The following BNC2 variants were observed in gnomAD, a reference collection of about 807,000 sequenced individuals.
BNC2 encodes the protein zinc finger protein basonuclin-2.
Under a neutral mutation model 76.3 loss-of-function variants are expected in BNC2, and 20 were observed. That is an observed-to-expected ratio of 0.26 (90% CI 0.18 to 0.38). BNC2 has a LOEUF of 0.38. Among genes scored for constraint, BNC2 ranks in the 10% least tolerant of loss-of-function variants. The pLI is 1.00. For synonymous variants in BNC2, 582 were observed against 514.8 expected (o/e 1.13, Z -1.77); for missense variants, 1,382 against 1,399.8 (o/e 0.99, Z 0.20).
intron 5 of BNC2, chr9:16,476,321 C>T (rs1218574334): frequency 6.6e-6 from 1 of 152,208 alleles, no homozygotes; most frequent in Non-Finnish European, 1.5e-5. Context: ...CGTATCTAAA[C>T]CTAGGCTCCC....
intron 4 of BNC2, among the ~76,000 whole-genome samples, chr9:16,560,417 A>G (rs533333490): frequency 6.6e-6 from 1 of 152,344 alleles, no homozygotes; most frequent in East Asian, 1.9e-4. Context: ...TAAACATTTT[A>G]TAAGAGGAAA....
intron 6 of BNC2, among the ~76,000 whole-genome samples, chr9:16,428,473 C>A (rs1283558719): frequency 6.6e-6 from 1 of 152,108 alleles, no homozygotes; most frequent in Non-Finnish European, 1.5e-5. Flanking sequence ...TCTATTCTGG[C>A]AATTAAGAAT....
At chr9:16,786,818 C>A (rs138613747) in intron 1 of BNC2, among the ~76,000 whole-genome samples, 1 of 152,078 alleles carries the variant, frequency 6.6e-6, no homozygotes, top group Non-Finnish European at 1.5e-5. Context: ...CATTGATCTG[C>A]GGCACAATAA....
At chr9:16,504,849 C>T (rs1281952165) in intron 5 of BNC2, among the ~76,000 whole-genome samples, 1 of 152,244 alleles carries the variant, frequency 6.6e-6, no homozygotes, top group Non-Finnish European at 1.5e-5. Flanking sequence ...CACAGCAAGA[C>T]CTCATCTCTT....
intron 1 of BNC2, among the ~76,000 whole-genome samples, chr9:16,830,243 T>G (rs915869632): frequency 6.6e-6 from 1 of 152,204 alleles, no homozygotes; most frequent in Non-Finnish European, 1.5e-5. Flanking sequence ...ACATACACAG[T>G]TATCAGCTTG....
At chr9:16,507,562 G>C (rs1363149944) in intron 5 of BNC2, among the ~76,000 whole-genome samples, 1 of 152,180 alleles carries the variant, frequency 6.6e-6, no homozygotes, top group Non-Finnish European at 1.5e-5. Context: ...CTGAGTAGCT[G>C]GGACTACAGG....
At chr9:16,832,780 CA>C (rs1469282414) in intron 1 of BNC2, among the ~76,000 whole-genome samples, 1 of 151,876 alleles carries the variant, frequency 6.6e-6, no homozygotes, top group African/African-American at 2.4e-5. Flanking sequence ...GGCCGGAGTG[CA>C]GTGGCGCGAT....
At chr9:16,791,633 A>G (rs919935544) in intron 1 of BNC2, among the ~76,000 whole-genome samples, 1 of 152,200 alleles carries the variant, frequency 6.6e-6, no homozygotes, top group African/African-American at 2.4e-5. Context: ...TTCACAGTCA[A>G]CTATAACAGA....
At chr9:16,560,872 T>C (rs1292986868) in intron 4 of BNC2, among the ~76,000 whole-genome samples, 2 of 152,246 alleles carry the variant, frequency 1.3e-5, no homozygotes, top group African/African-American at 4.8e-5. Flanking sequence ...GTGAAGGTAC[T>C]GGATGAACCT....
intron 3 of BNC2, among the ~76,000 whole-genome samples, chr9:16,641,528 T>C (rs770085685): frequency 6.6e-6 from 1 of 152,244 alleles, no homozygotes; most frequent in African/African-American, 2.4e-5. Flanking sequence ...CCTGATTGTT[T>C]AGTCTAATTT....
chr9:16,468,038 C>CTTTTTTTTTTTTTTTTT (rs1414982362), intron 5 of BNC2, among the ~76,000 whole-genome samples: 8 of 146,180 alleles, frequency 5.5e-5, no homozygotes, highest in African/African-American at 2.1e-4. Context: ...TTCTTTCTTT[C>CTTTTTTTTTTTTTTTTT]TCTTTTTTTT....
At chr9:16,831,514 G>A (rs1263986682) in intron 1 of BNC2, among the ~76,000 whole-genome samples, 2 of 152,320 alleles carry the variant, frequency 1.3e-5, no homozygotes, top group South Asian at 4.1e-4. Flanking sequence ...TGACTCTCAT[G>A]TCAAATTCAA....
rs1206353019 is a variant in BNC2 at position 16,463,453 on chromosome 9, C to T, written c.670-25929G>A. Among the ~76,000 whole-genome samples, 2 of 147,284 alleles carry T rather than the reference C, an allele frequency of 1.4e-5. 1 individual carries two copies. Among genetic ancestry groups the T allele is most frequent in the African/African-American group, 5.3e-5 (2 of 37,728 alleles). Reference sequence around the variant, plus strand: ...CTGGGACTACAGGCGCCCGCCACTACGCCCGGCTAATTTTTTGTATTTTTA... The same window carrying T: ...CTGGGACTACAGGCGCCCGCCACTATGCCCGGCTAATTTTTTGTATTTTTA... On this transcript the variant is annotated intron_variant, in intron 5 of 6. Transcript: ENST00000380672.
intron 3 of BNC2, among the ~76,000 whole-genome samples, chr9:16,701,615 G>A (rs1823515361): frequency 1.3e-5 from 2 of 152,266 alleles, no homozygotes; most frequent in South Asian, 4.1e-4. Context: ...GCTAAAAGAA[G>A]TTAGATGTTA....
chr9:16,461,160 T>A lies in BNC2; in HGVS notation c.670-23636A>T, dbSNP rs142535107. On this transcript the variant is annotated intron_variant, in intron 5 of 6. Coordinates refer to ENST00000380672, the MANE Select transcript of BNC2 (RefSeq NM_017637.6). Reference sequence around the variant, plus strand: ...AGATTCTTTATCATAAATAACAGAATAAATTTTCGGAACATTTTACATGTG... The same window carrying A: ...AGATTCTTTATCATAAATAACAGAAAAAATTTTCGGAACATTTTACATGTG... Among the ~76,000 whole-genome samples, 14 of 152,318 alleles carry A rather than the reference T, an allele frequency of 9.2e-5. No individual in the cohort carries two copies. In the East Asian group the frequency reaches 2.7e-3, roughly 29 times the overall value.
At chr9:16,687,769 C>A (rs978735544) in intron 3 of BNC2, among the ~76,000 whole-genome samples, 14 of 152,134 alleles carry the variant, frequency 9.2e-5, no homozygotes, top group African/African-American at 3.4e-4. Context: ...GTTTCTAGTT[C>A]TTTTTATCTT....
At chr9:16,809,410 A>T (rs1214122248) in intron 1 of BNC2, among the ~76,000 whole-genome samples, 2 of 152,114 alleles carry the variant, frequency 1.3e-5, no homozygotes. Context: ...CTTCAGTGTT[A>T]GGATAAGAGC....
At position 16,419,267 on chromosome 9, in the gene BNC2, C is replaced by T. The variant is rs200106312; in HGVS notation, c.3022G>A (p.Ala1008Thr). The change falls in exon 7 of 7, where the codon GCC becomes ACC. Residue 1008 changes from alanine to threonine, a missense_variant. Physicochemically the swap from Ala to Thr is moderately conservative, Grantham distance 58. Coordinates refer to ENST00000380672, the MANE Select transcript of BNC2 (RefSeq NM_017637.6). ...DSGESAHKAEAPALPGSLGAE... is the reference protein window; with the variant it reads ...DSGESAHKAETPALPGSLGAE... ...CCTAGGCTGCCAGGGAGGGCAGGGG[C>T]CTCGGCCTTGTGTGCCGACTCCCCA... 14 of 1,614,208 alleles carry T rather than the reference C, an allele frequency of 8.7e-6. No homozygotes were observed. In the East Asian group the frequency reaches 2.7e-4, roughly 31 times the overall value.
At chr9:16,587,199 C>CTTT (rs5896697) in intron 3 of BNC2, among the ~76,000 whole-genome samples, 3 of 137,602 alleles carry the variant, frequency 2.2e-5, no homozygotes, top group Non-Finnish European at 3.1e-5. Flanking sequence ...GACTAGGAAT[C>CTTT]TTTTTTTTTT....
Sources: gnomAD v4.1 joint callset for allele counts (sites outside exome capture counted in the v4.1 genomes callset) on GRCh38, gnomAD v4.1.1 for gene constraint, MANE v1.5 for transcripts, NCBI Gene and HGNC (gene_info 2026-07-23, HGNC 2026-07-21) for gene names.